PTPRT: variants seen among roughly 807,000 people sequenced by gnomAD.
PTPRT encodes receptor-type tyrosine-protein phosphatase T.
PTPRT carries 56 observed loss-of-function variants against 176.8 expected under a neutral mutation model. The observed-to-expected ratio is 0.32, with a 90% CI of 0.26 to 0.40. The LOEUF is 0.40. PTPRT is among the 10% of genes least tolerant of loss of function. PTPRT has a pLI of 1.00. For synonymous variants in PTPRT, 783 were observed against 739.0 expected (o/e 1.06, Z -0.96); for missense variants, 1,540 against 1,908.2 (o/e 0.81, Z 3.60).
At chr20:42,379,016 T>C (rs553297687) in intron 9 of PTPRT, among the ~76,000 whole-genome samples, 3 of 152,370 alleles carry the variant, frequency 2.0e-5, no homozygotes, top group Admixed American at 2.0e-4. Flanking sequence ...TTGGTGCTTC[T>C]ACCGTGCCCC....
intron 1 of PTPRT, among the ~76,000 whole-genome samples, chr20:43,116,776 A>C (rs1337962468): frequency 6.6e-6 from 1 of 152,174 alleles, no homozygotes; most frequent in African/African-American, 2.4e-5. Flanking sequence ...GTTCATGTCT[A>C]CATTTGCAAC....
chr20:42,555,581 A>G (rs1204432223), intron 7 of PTPRT, among the ~76,000 whole-genome samples: 1 of 152,110 alleles, frequency 6.6e-6, no homozygotes, highest in African/African-American at 2.4e-5. Flanking sequence ...CCACTCCAAG[A>G]TGACTATGCA....
intron 5 of PTPRT, among the ~76,000 whole-genome samples, chr20:42,769,544 AT>A (rs2077033091): frequency 6.6e-6 from 1 of 152,172 alleles, no homozygotes. Context: ...TGGTACAACC[AT>A]TTTTTCAAAC....
At chr20:42,555,571 C>T (rs769933107) in intron 7 of PTPRT, among the ~76,000 whole-genome samples, 5 of 152,252 alleles carry the variant, frequency 3.3e-5, no homozygotes, top group South Asian at 4.2e-4. Flanking sequence ...ATTATTTCTT[C>T]CACTCCAAGA....
chr20:43,098,898 G>A (rs945369915), intron 1 of PTPRT, among the ~76,000 whole-genome samples: 2 of 152,094 alleles, frequency 1.3e-5, no homozygotes, highest in Non-Finnish European at 1.5e-5. Context: ...TCTGTAGTGG[G>A]AACTGCCCTC....
At chr20:42,851,595 G>A (rs1414401111) in intron 2 of PTPRT, among the ~76,000 whole-genome samples, 1 of 152,118 alleles carries the variant, frequency 6.6e-6, no homozygotes, top group African/African-American at 2.4e-5. Context: ...ATTTGCTATT[G>A]CTTCAGCTCA....
intron 7 of PTPRT, among the ~76,000 whole-genome samples, chr20:42,530,356 G>A (rs1236054747): frequency 1.3e-5 from 2 of 152,192 alleles, no homozygotes; most frequent in Non-Finnish European, 2.9e-5. Context: ...TGCATGCCAG[G>A]CACCATGCAA....
intron 1 of PTPRT, among the ~76,000 whole-genome samples, chr20:43,131,290 GC>G (rs1478019876): frequency 6.6e-6 from 1 of 152,178 alleles, no homozygotes; most frequent in Non-Finnish European, 1.5e-5. Flanking sequence ...CCAAGGACAA[GC>G]TTCAAAGTCA....
At position 42,624,005 on chromosome 20, in the gene PTPRT, C is replaced by CAACA. The variant is rs1555888302; in HGVS notation, c.1153+53857_1153+53860dup. On this transcript the variant is annotated intron_variant, in intron 7 of 30. Transcript: ENST00000373187. ...CCCACGAAGGAAAACAAAACAATAGCAACAAACAAACAAACAAACAAAAAA... is the reference window on the plus strand; with the variant it reads ...CCCACGAAGGAAAACAAAACAATAGCAACAAACAAACAAACAAACAAACAAAAAA... 2.1e-4 allele frequency among the ~76,000 whole-genome samples: 29 copies of CAACA among 135,758 alleles called. 2 individuals carry two copies. Among genetic ancestry groups the CAACA allele is most frequent in the African/African-American group, 8.7e-4 (27 of 31,194 alleles). 89.1% of individuals were successfully genotyped at this position (135,758 alleles called of 152,430 possible).
At chr20:42,842,273 A>G (rs540742180) in intron 2 of PTPRT, among the ~76,000 whole-genome samples, 148 of 152,300 alleles carry the variant, frequency 9.7e-4, no homozygotes, top group African/African-American at 3.5e-3. Flanking sequence ...GACATGCAAA[A>G]CGAAGAAGAG....
In PTPRT at chr20:42,906,878, T is replaced by A. The variant is rs181838161; in HGVS notation, c.89-20946A>T. On this transcript the variant is annotated intron_variant, in intron 1 of 30. Transcript: ENST00000373187. ...TTGTTCTAATCTGGAAAAAAAAAAA[T>A]GTGAAACCTCATCTGCCTGGAATTA... 7.0e-3 allele frequency among the ~76,000 whole-genome samples: 1,052 copies of A among 150,528 alleles called. 9 individuals carry two copies. The highest frequency in any genetic ancestry group is 0.024 in the African/African-American group (1,004 of 41,090).
At chr20:42,981,352 G>A (rs539268124) in intron 1 of PTPRT, among the ~76,000 whole-genome samples, 2 of 152,364 alleles carry the variant, frequency 1.3e-5, no homozygotes, top group South Asian at 4.1e-4. Context: ...CCTGCACAGA[G>A]AAGGTGGGAG....
At chr20:42,104,530 C>A in intron 25 of PTPRT, 39 bp downstream of exon 25, 1 of 1,570,674 alleles carries the variant, frequency 6.4e-7, no homozygotes, top group Non-Finnish European at 8.7e-7. Flanking sequence ...ACAACCCAAA[C>A]TGACTAAGAT....
chr20:42,707,727 G>A (rs556234312), intron 6 of PTPRT, among the ~76,000 whole-genome samples: 2 of 152,314 alleles, frequency 1.3e-5, no homozygotes, highest in East Asian at 3.9e-4. Flanking sequence ...GCTGAGGCAA[G>A]AGGATCAGCT....
chr20:42,647,759 A>G (rs1044650261), intron 7 of PTPRT, among the ~76,000 whole-genome samples: 3 of 152,194 alleles, frequency 2.0e-5, no homozygotes. Flanking sequence ...CGTCTGTGAT[A>G]CCGGCTGACG....
chr20:42,283,306 C>T (rs1444557302), intron 12 of PTPRT, among the ~76,000 whole-genome samples: 1 of 152,118 alleles, frequency 6.6e-6, no homozygotes. Context: ...ATACCCCCAA[C>T]AACAGTCTGA....
At chr20:43,122,531 T>C (rs977892718) in intron 1 of PTPRT, among the ~76,000 whole-genome samples, 4 of 152,218 alleles carry the variant, frequency 2.6e-5, no homozygotes, top group Non-Finnish European at 4.4e-5. Context: ...TGGGAGATGA[T>C]TGGATCATGG....
chr20:42,164,679 C>G (rs760097031), intron 16 of PTPRT, among the ~76,000 whole-genome samples: 1 of 152,184 alleles, frequency 6.6e-6, no homozygotes, highest in African/African-American at 2.4e-5. Context: ...TCACAACTCA[C>G]TTCTCTCAGG....
chr20:43,021,306 A>G (rs1985669844), intron 1 of PTPRT, among the ~76,000 whole-genome samples: 2 of 152,114 alleles, frequency 1.3e-5, no homozygotes, highest in African/African-American at 4.8e-5. Context: ...AACACATGTT[A>G]CCTCAATTTG....
Sources: allele counts gnomAD v4.1 joint callset (sites outside exome capture counted in the v4.1 genomes callset), GRCh38; gene constraint gnomAD v4.1.1; transcripts MANE v1.5; gene names NCBI Gene and HGNC (gene_info 2026-07-23, HGNC 2026-07-21).